Variants in VTI1A observed in about 807,000 individuals in gnomAD.
VTI1A encodes the protein vesicle transport through interaction with t-SNAREs 1A.
A neutral mutation model predicts 34.9 loss-of-function variants in VTI1A; 22 were observed. That is an observed-to-expected ratio of 0.63 (90% CI 0.45 to 0.90). The LOEUF (loss-of-function observed/expected upper bound fraction) is 0.90. Among genes scored for constraint, VTI1A ranks in the 40% least tolerant of loss-of-function variants. The probability of loss-of-function intolerance (pLI) is 0.00; values close to 1 mark genes in which losing one functional copy is unlikely to be tolerated. For missense variants in VTI1A, 268 were observed against 275.6 expected (o/e 0.97, Z 0.20); for synonymous variants, 87 against 97.3 (o/e 0.89, Z 0.62).
intron 7 of VTI1A, among the ~76,000 whole-genome samples, chr10:112,702,201 A>G (rs1422313709): frequency 6.6e-6 from 1 of 152,120 alleles, no homozygotes; most frequent in African/African-American, 2.4e-5. Flanking sequence ...CAAGTTCCTT[A>G]TTTATTGAGC....
chr10:112,550,321 C>T (rs1320225576), intron 5 of VTI1A, among the ~76,000 whole-genome samples: 2 of 149,362 alleles, frequency 1.3e-5, no homozygotes, highest in African/African-American at 4.9e-5. Context: ...TTTATTTTCC[C>T]TTTGAGTCTG....
intron 7 of VTI1A, among the ~76,000 whole-genome samples, chr10:112,815,068 A>G (rs143170008): frequency 8.9e-4 from 135 of 151,714 alleles, no homozygotes; most frequent in Admixed American, 2.4e-3. Context: ...CGTGACAATC[A>G]TGTGGAGCCT....
At chr10:112,574,206 T>C (rs1172990003) in intron 5 of VTI1A, among the ~76,000 whole-genome samples, 2 of 152,194 alleles carry the variant, frequency 1.3e-5, no homozygotes, top group African/African-American at 4.8e-5. Flanking sequence ...TGTTTATTAC[T>C]TCAAGTATGT....
At chr10:112,569,907 C>T (rs1852055133) in intron 5 of VTI1A, among the ~76,000 whole-genome samples, 1 of 152,194 alleles carries the variant, frequency 6.6e-6, no homozygotes, top group Non-Finnish European at 1.5e-5. Context: ...CCTAGAAGAA[C>T]CTGTGCTTTG....
At chr10:112,486,273 C>T (rs1051857024) in intron 3 of VTI1A, among the ~76,000 whole-genome samples, 1 of 152,124 alleles carries the variant, frequency 6.6e-6, no homozygotes, top group Non-Finnish European at 1.5e-5. Context: ...CTGCCTTGGC[C>T]ACCAACTACC....
intron 5 of VTI1A, among the ~76,000 whole-genome samples, chr10:112,545,346 T>G (rs1231564060): frequency 6.6e-6 from 1 of 152,250 alleles, no homozygotes; most frequent in East Asian, 1.9e-4. Flanking sequence ...ACATTTGTGA[T>G]TATAAATCTG....
the VTI1A span, among the ~76,000 whole-genome samples, chr10:112,830,841 ATATATATATT>A: frequency 2.2e-5 from 1 of 46,188 alleles, no homozygotes; most frequent in Non-Finnish European, 4.3e-5. Flanking sequence ...ATATATATAT[ATATATATATT>A]TTTTTTTTTT....
intron 3 of VTI1A, 195 bp downstream of exon 3, chr10:112,464,852 A>G (rs1423920710): frequency 1.0e-5 from 6 of 591,030 alleles, no homozygotes; most frequent in Non-Finnish European, 1.8e-5. Flanking sequence ...ATGTTGGATT[A>G]ATGATTCACA....
intron 5 of VTI1A, among the ~76,000 whole-genome samples, chr10:112,665,454 T>C (rs1362857190): frequency 2.6e-5 from 4 of 152,220 alleles, no homozygotes; most frequent in Admixed American, 6.5e-5. Context: ...GAATTGTGTT[T>C]CCAACAGTGC....
chr10:112,694,150 G>A (rs1848701837), intron 7 of VTI1A, among the ~76,000 whole-genome samples: 2 of 152,278 alleles, frequency 1.3e-5, no homozygotes, highest in Admixed American at 6.5e-5. Context: ...AGCTTGCAGT[G>A]AGCTGAGATC....
chr10:112,736,087 T>C (rs1423765845), intron 7 of VTI1A, among the ~76,000 whole-genome samples: 2 of 135,846 alleles, frequency 1.5e-5, no homozygotes, highest in Admixed American at 1.5e-4. Context: ...ATATATAGTA[T>C]ATTTTACATA....
the VTI1A span, among the ~76,000 whole-genome samples, chr10:112,852,524 T>C: frequency 6.6e-6 from 1 of 152,376 alleles, no homozygotes; most frequent in East Asian, 1.9e-4. Context: ...GCCGCAAGTC[T>C]GGACAGAGAA....
chr10:112,726,484 G>C (rs1462061895), intron 7 of VTI1A, among the ~76,000 whole-genome samples: 1 of 152,084 alleles, frequency 6.6e-6, no homozygotes, highest in Non-Finnish European at 1.5e-5. Flanking sequence ...AGGCAGTCCT[G>C]GCCCCAGACC....
chr10:112,524,092 A>G (rs1850127376), intron 3 of VTI1A, among the ~76,000 whole-genome samples: 2 of 152,110 alleles, frequency 1.3e-5, no homozygotes, highest in Admixed American at 6.6e-5. Flanking sequence ...AAAATTATCC[A>G]TAAAATAAGC....
chr10:112,757,003 G>A (rs557954649), intron 7 of VTI1A, among the ~76,000 whole-genome samples: 4 of 150,540 alleles, frequency 2.7e-5, no homozygotes, highest in South Asian at 4.2e-4. Flanking sequence ...CCGAAATTGC[G>A]CCACTGCACT....
chr10:112,816,483 C>T lies in VTI1A; in HGVS notation c.*1100C>T, dbSNP rs1853525877. On this transcript the variant is annotated 3_prime_UTR_variant, in exon 8 of 8. Coordinates refer to ENST00000393077, the MANE Select transcript of VTI1A (RefSeq NM_145206.4). ...TGGGTTTTTAACTAACAAATGTTAG[C>T]AAGCCTTTCTTGAATTCACTATGTA... 4.5e-6 allele frequency: 1 copy of T among 224,006 alleles called. No homozygotes were observed. Among genetic ancestry groups the T allele is most frequent in the Non-Finnish European group, 8.9e-6 (1 of 112,300 alleles). The allele number at this position is 224,006 out of a possible 1,614,324, so 13.9% of individuals were successfully genotyped here.
intron 7 of VTI1A, among the ~76,000 whole-genome samples, chr10:112,705,298 T>G (rs1023019323): frequency 2.6e-5 from 4 of 152,096 alleles, no homozygotes; most frequent in Admixed American, 2.6e-4. Context: ...CTAGAATAGC[T>G]TACAGACTCT....
chr10:112,573,619 C>T (rs903500527), intron 5 of VTI1A, among the ~76,000 whole-genome samples: 4 of 152,154 alleles, frequency 2.6e-5, no homozygotes, highest in African/African-American at 9.7e-5. Context: ...TTGCCAATTC[C>T]ACCATTCACT....
intron 7 of VTI1A, among the ~76,000 whole-genome samples, chr10:112,694,362 T>TTGGATGGATGGA (rs113264700): frequency 6.6e-6 from 1 of 151,314 alleles, no homozygotes; most frequent in Non-Finnish European, 1.5e-5. Context: ...CAGGAAGTAT[T>TTGGATGGATGGA]TGGATGGATG....
Sources: gnomAD v4.1 joint callset for allele counts (sites outside exome capture counted in the v4.1 genomes callset) on GRCh38, gnomAD v4.1.1 for gene constraint, MANE v1.5 for transcripts, NCBI Gene and HGNC (gene_info 2026-07-23, HGNC 2026-07-21) for gene names.